NGFR: variants seen among roughly 807,000 people sequenced by gnomAD.
The protein encoded by NGFR is nerve growth factor receptor.
In NGFR, 30 loss-of-function variants were observed where a neutral mutation model predicts 43.2. The ratio of observed to expected loss-of-function variants is 0.69; its 90% CI spans 0.52 to 0.94. The LOEUF (loss-of-function observed/expected upper bound fraction) is 0.94, where lower values mean the gene tolerates loss of function less well. NGFR is among the 40% of genes least tolerant of loss of function. NGFR has a pLI of 0.00. For synonymous variants in NGFR, 246 were observed against 259.6 expected, an observed-to-expected ratio of 0.95 and a Z score of 0.50; for missense variants, 529 against 602.5, an observed-to-expected ratio of 0.88 and a Z score of 1.28.
Position 49,512,881 on chromosome 17 carries a change from C to G in NGFR, c.1156C>G (p.Leu386Val). The change falls in exon 6 of 6, where the codon CTG becomes GTG. Residue 386 changes from leucine to valine, a missense_variant. Physicochemically the swap from Leu to Val is conservative, Grantham distance 32. Coordinates refer to ENST00000172229, the MANE Select transcript of NGFR (RefSeq NM_002507.4). The surrounding 1 kb of genome is among the most constrained non-coding windows in gnomAD (Gnocchi z 5.2). ...FTHEACPVRA[L>V]LASWATQDSA... ...CCATGAGGCCTGCCCCGTTCGCGCC[C>G]TGCTTGCAAGCTGGGCCACCCAGGA... The G allele has an allele frequency of 1.2e-6, 2 of 1,613,196 alleles. No individual in the cohort carries two copies. Among genetic ancestry groups the G allele is most frequent in the South Asian group, 2.2e-5 (2 of 91,080 alleles).
At chr17:49,504,769 C>CT (rs67010321) in intron 2 of NGFR, among the ~76,000 whole-genome samples, 96 of 110,934 alleles carry the variant, frequency 8.7e-4, no homozygotes, top group East Asian at 7.0e-3. Flanking sequence ...TTCTTTCTTT[C>CT]TTTTTTTTTT....
Position 49,502,062 on chromosome 17 carries a change from G to T in NGFR, c.67-1G>T. The T allele has an allele frequency of 1.6e-6, 2 of 1,272,510 alleles. No homozygotes were observed. Among genetic ancestry groups the T allele is most frequent in the Admixed American group, 2.2e-5 (1 of 44,514 alleles). The allele number at this position is 1,272,510 out of a possible 1,614,324, so 78.8% of individuals were successfully genotyped here. A position where few individuals can be genotyped will look rare whatever the true frequency, so the allele number is the denominator to read the frequency against. ...TGACCCTCCGATCTCCCTCCATCCA[G>T]GTGTCCCTTGGAGGTGCCAAGGAGG... On this transcript the variant is annotated splice_acceptor_variant, in intron 1 of 5. Coordinates refer to ENST00000172229, the MANE Select transcript of NGFR (RefSeq NM_002507.4). LOFTEE classifies it high-confidence loss of function.
At position 49,512,140 on chromosome 17, in the gene NGFR, G is replaced by A; in HGVS notation, c.982+88G>A. The A allele has an allele frequency of 2.0e-6, 3 of 1,484,542 alleles. No homozygotes were observed. The highest frequency in any genetic ancestry group is 9.0e-7 in the Non-Finnish European group (1 of 1,108,324). The allele number at this position is 1,484,542 out of a possible 1,614,324, so 92.0% of individuals were successfully genotyped here. ...GATTAGACTCCAGGAAGGACTGTCG[G>A]GGGGGCGGCAGGGCTGGCTCAGCGG... is the stretch of plus-strand genomic sequence containing the variant. On this transcript the variant is annotated intron_variant, in intron 5 of 5. Coordinates refer to ENST00000172229, the MANE Select transcript of NGFR (RefSeq NM_002507.4). This position sits in a 1 kb window ranked among gnomAD's most constrained non-coding sequence, Gnocchi z 5.2.
At chr17:49,511,519 GTT>G (rs761370884) in intron 4 of NGFR, among the ~76,000 whole-genome samples, 8 of 141,486 alleles carry the variant, frequency 5.7e-5, no homozygotes, top group African/African-American at 2.1e-4. Context: ...ATGGACATTT[GTT>G]TTTTTTTTTT....
chr17:49,497,757 G>C (rs956935280), intron 1 of NGFR: 6 of 152,284 alleles, frequency 3.9e-5, no homozygotes, highest in African/African-American at 1.4e-4. Flanking sequence ...CAGAGCCGCC[G>C]GGCTGGCTAA....
At chr17:49,510,788 C>A (rs555773366) in intron 4 of NGFR, 124 bp downstream of exon 4, 3 of 1,254,242 alleles carry the variant, frequency 2.4e-6, no homozygotes, top group Non-Finnish European at 3.4e-6. Flanking sequence ...CTCATCCTCA[C>A]TCATCATCTG....
intron 3 of NGFR, 46 bp downstream of exon 3, chr17:49,506,704 G>GGGGGGGGGGGC: frequency 1.4e-6 from 1 of 737,234 alleles, no homozygotes; most frequent in East Asian, 3.5e-5. Context: ...GCGGGGGTGG[G>GGGGGGGGGGGC]CTGGGGGCAT....
chr17:49,501,999 A>AGGGGGGGCCCCCCCCCC, intron 1 of NGFR, 64 bp from the exon 2 acceptor site: 1 of 330,982 alleles, frequency 3.0e-6, no homozygotes, highest in East Asian at 6.4e-5. Context: ...TCCCCGGAAG[A>AGGGGGGGCCCCCCCCCC]ACCCCCCCCA....
At chr17:49,510,973 C>CTA in intron 4 of NGFR, 7 of 376,818 alleles carry the variant, frequency 1.9e-5, no homozygotes, top group South Asian at 1.1e-4. Context: ...CTCCTTCACC[C>CTA]CACAGTCACC....
intron 2 of NGFR, among the ~76,000 whole-genome samples, chr17:49,505,236 C>T (rs889273274): frequency 2.6e-5 from 4 of 152,214 alleles, no homozygotes; most frequent in South Asian, 2.1e-4. Flanking sequence ...CCCCTAATGG[C>T]GCTTTAGCCT....
At chr17:49,496,536 C>G (rs1316778543) in intron 1 of NGFR, 1 of 152,376 alleles carries the variant, frequency 6.6e-6, no homozygotes, top group Non-Finnish European at 1.5e-5. Flanking sequence ...CCTTCCTGGC[C>G]GCGCGCAGCT....
chr17:49,502,000 A>AGCCCCCCCC, intron 1 of NGFR, 63 bp from the exon 2 acceptor site: 1 of 264,886 alleles, frequency 3.8e-6, no homozygotes, highest in Non-Finnish European at 7.9e-6. Context: ...CCCCGGAAGA[A>AGCCCCCCCC]CCCCCCCCAA....
chr17:49,501,999 A>AGGGGGGCCCCCCCCC, intron 1 of NGFR, 64 bp from the exon 2 acceptor site: 7 of 330,972 alleles, frequency 2.1e-5, no homozygotes, highest in Middle Eastern at 5.6e-4. Context: ...TCCCCGGAAG[A>AGGGGGGCCCCCCCCC]ACCCCCCCCA....
intron 1 of NGFR, 63 bp from the exon 2 acceptor site, chr17:49,502,000 A>AGGGCCCCCCCCCC: frequency 7.6e-6 from 2 of 264,884 alleles, no homozygotes; most frequent in Admixed American, 3.6e-5. Flanking sequence ...CCCCGGAAGA[A>AGGGCCCCCCCCCC]CCCCCCCCAA....
chr17:49,508,749 C>CTCAT (rs913448093), intron 3 of NGFR, among the ~76,000 whole-genome samples: 17 of 152,260 alleles, frequency 1.1e-4, no homozygotes, highest in African/African-American at 4.1e-4. Context: ...TGGATCTCAT[C>CTCAT]CCCCCGCCCC....
At position 49,503,131 on chromosome 17, in the gene NGFR, G is replaced by C. The variant is rs555773261; in HGVS notation, c.208+927G>C. ...GATGGGGTTTTACCATGTGGACCAG[G>C]CTGGTCTCAAACTTCTGGCCTCAAG... On this transcript the variant is annotated intron_variant, in intron 2 of 5. Coordinates refer to ENST00000172229, the MANE Select transcript of NGFR (RefSeq NM_002507.4). 2.6e-5 allele frequency among the ~76,000 whole-genome samples: 4 copies of C among 152,260 alleles called. No homozygotes were observed. The East Asian group carries it at 7.7e-4, about 29-fold the overall frequency.
At chr17:49,503,661 G>A (rs773137046) in intron 2 of NGFR, among the ~76,000 whole-genome samples, 2 of 152,144 alleles carry the variant, frequency 1.3e-5, no homozygotes, top group South Asian at 4.1e-4. Context: ...CCATTCCCCA[G>A]CCAAGAAATG....
intron 3 of NGFR, 56 bp from the exon 4 acceptor site, chr17:49,510,356 G>A: frequency 6.2e-7 from 1 of 1,600,482 alleles, no homozygotes; most frequent in Non-Finnish European, 8.5e-7. Flanking sequence ...GTGGGTTAGA[G>A]CTAAAAGGGA....
chr17:49,499,369 G>A (rs1207801178), intron 1 of NGFR, among the ~76,000 whole-genome samples: 2 of 152,082 alleles, frequency 1.3e-5, no homozygotes, highest in African/African-American at 4.8e-5. Context: ...ACAGAAAAGA[G>A]GGGTCCCAAA....
Sources: allele counts gnomAD v4.1 joint callset (sites outside exome capture counted in the v4.1 genomes callset), GRCh38; gene constraint gnomAD v4.1.1; non-coding constraint Gnocchi (gnomAD v3.1); transcripts MANE v1.5; gene names NCBI Gene and HGNC (gene_info 2026-07-23, HGNC 2026-07-21).